SIRT2: variants seen among roughly 807,000 people sequenced by gnomAD.
The protein encoded by SIRT2 is sirtuin 2, also known as NAD-dependent protein deacetylase sirtuin-2.
Under a neutral mutation model 57.4 loss-of-function variants are expected in SIRT2, and 40 were observed. That is an observed-to-expected ratio of 0.70 (90% CI 0.54 to 0.91). The LOEUF is 0.91. Ranked by LOEUF, SIRT2 falls within the 40% of genes least tolerant of loss-of-function variation. SIRT2 has a pLI of 0.00. For missense variants in SIRT2, 439 were observed against 510.4 expected (o/e 0.86, Z 1.35); for synonymous variants, 161 against 195.7 (o/e 0.82, Z 1.48).
chr19:38,886,825 T>C (rs1340329289), intron 8 of SIRT2, among the ~76,000 whole-genome samples: 4 of 152,122 alleles, frequency 2.6e-5, no homozygotes, highest in Admixed American at 2.6e-4. Flanking sequence ...TTTCACCATG[T>C]TGGCCAGGCT....
At position 38,880,610 on chromosome 19, in the gene SIRT2, G is replaced by T. The variant is rs1023857588; in HGVS notation, c.876+75C>A. The T allele has an allele frequency of 2.0e-6, 2 of 1,009,522 alleles. No homozygotes were observed. The highest frequency in any genetic ancestry group is 3.0e-6 in the Non-Finnish European group (2 of 674,414). 62.5% of individuals were successfully genotyped at this position (1,009,522 alleles called of 1,614,324 possible). ...TGCAAAGTGCTGGGGTTCCACAGTG[G>T]GGGTTCCCTCTGAGGAAAAGGGTGA... On this transcript the variant is annotated intron_variant, in intron 13 of 15. Coordinates refer to ENST00000249396, the MANE Select transcript of SIRT2 (RefSeq NM_012237.4). This position sits in a 1 kb window ranked among gnomAD's most constrained non-coding sequence, Gnocchi z 4.1.
intron 13 of SIRT2, chr19:38,879,911 C>T: frequency 5.3e-6 from 3 of 562,124 alleles, no homozygotes; most frequent in East Asian, 2.9e-5. Flanking sequence ...CTGCAACCTC[C>T]ACCTCCTGGG....
rs373609953 is a variant in SIRT2, at chr19:38,890,124, C to A, written c.247G>T (p.Val83Leu). 2 of 1,614,094 alleles carry A rather than the reference C, an allele frequency of 1.2e-6. No homozygotes were observed. Among genetic ancestry groups the A allele is most frequent in the Non-Finnish European group, 1.7e-6 (2 of 1,180,040 alleles). The change falls in exon 5 of 16, where the codon GTG (valine) becomes TTG (leucine). Residue 83 changes from valine (V) to leucine (L), a missense_variant. Transcript: ENST00000249396. ...SERCRRVICL[V>L]GAGISTSAGI... ...TTACATGTGGAGATTCCAGCTCCCA[C>A]CAAACAGATGACTCTGCGACCTGGA...
chr19:38,880,363 C>A lies in SIRT2; in HGVS notation c.876+322G>T. ...GTGAGGCTGCCCAGGAAAAACAGAC[C>A]TGAGAGACCCAGAGCGTGGACCCAA... is the stretch of plus-strand genomic sequence containing the variant. On this transcript the variant is annotated intron_variant, in intron 13 of 15. Coordinates refer to ENST00000249396, the MANE Select transcript of SIRT2 (RefSeq NM_012237.4). The surrounding 1 kb of genome is among the most constrained non-coding windows in gnomAD (Gnocchi z 4.1). The A allele has an allele frequency of 3.2e-6, 1 of 315,604 alleles. No homozygotes were observed. Among genetic ancestry groups the A allele is most frequent in the East Asian group, 5.6e-5 (1 of 17,972 alleles). The allele number at this position is 315,604 out of a possible 1,614,324, so 19.6% of individuals were successfully genotyped here. A position where few individuals can be genotyped will look rare whatever the true frequency, so the allele number is the denominator to read the frequency against.
In SIRT2 at chr19:38,880,442, G is replaced by A. The variant is rs1973111266; in HGVS notation, c.876+243C>T. 1 of 440,942 alleles carries A rather than the reference G, an allele frequency of 2.3e-6. No homozygotes were observed. Among genetic ancestry groups the A allele is most frequent in the Non-Finnish European group, 4.0e-6 (1 of 249,896 alleles). 27.3% of individuals were successfully genotyped at this position (440,942 alleles called of 1,614,324 possible). ...CCCTGCACCCCCTCCCACCTCCTCA[G>A]TCCCTGGAAGCCCGGCCTTCCTATC... On this transcript the variant is annotated intron_variant, in intron 13 of 15. Coordinates refer to ENST00000249396, the MANE Select transcript of SIRT2 (RefSeq NM_012237.4). This position sits in a 1 kb window ranked among gnomAD's most constrained non-coding sequence, Gnocchi z 4.1.
At position 38,879,263 on chromosome 19, in the gene SIRT2, G is replaced by A; in HGVS notation, c.1062C>T (p.Ala354=). ...LVRREHASID[A]QSGAGVPNPS... Reference sequence around the variant, plus strand: ...GGTTGGGGACCCCCGCCCCCGACTGGGCATCTATGCTGGCGTGCTCCCTCC... The same window carrying A: ...GGTTGGGGACCCCCGCCCCCGACTGAGCATCTATGCTGGCGTGCTCCCTCC... The change falls in exon 16 of 16, where the codon GCC becomes GCT. Residue 354 remains alanine (A), a synonymous_variant. Transcript: ENST00000249396. The A allele has an allele frequency of 6.2e-7, 1 of 1,606,162 alleles. No homozygotes were observed. Among genetic ancestry groups the A allele is most frequent in the Non-Finnish European group, 8.5e-7 (1 of 1,177,772 alleles).
intron 3 of SIRT2, 44 bp downstream of exon 3, chr19:38,893,775 G>A (rs200225975): frequency 1.3e-5 from 18 of 1,424,096 alleles, no homozygotes; most frequent in Middle Eastern, 3.5e-4. Context: ...AAATCCCCCC[G>A]CCCCCCAGAA....
In SIRT2 at chr19:38,886,611, G is replaced by A. The variant is rs558313746; in HGVS notation, c.501+2476C>T. On this transcript the variant is annotated intron_variant, in intron 8 of 15. Transcript: ENST00000249396. ...TGGGACTACAGGTGTGCACTACCAT[G>A]CCTGGCTAATTTTTTTTTTTTTTTT... Among the ~76,000 whole-genome samples, 490 of 149,712 alleles carry A rather than the reference G, an allele frequency of 3.3e-3. 7 individuals carry two copies. Among genetic ancestry groups the A allele is most frequent in the African/African-American group, 8.2e-3 (330 of 40,070 alleles).
At chr19:38,886,623 T>G (rs865953677) in intron 8 of SIRT2, among the ~76,000 whole-genome samples, 23,888 of 147,626 alleles carry the variant, frequency 0.16, 2,546 homozygotes, top group African/African-American at 0.32. Flanking sequence ...CTGGCTAATT[T>G]TTTTTTTTTT....
intron 8 of SIRT2, among the ~76,000 whole-genome samples, chr19:38,888,114 G>A (rs930472098): frequency 6.6e-6 from 1 of 152,166 alleles, no homozygotes; most frequent in Admixed American, 6.6e-5. Flanking sequence ...TACTGTTGTA[G>A]TGCATCATGT....
intron 8 of SIRT2, among the ~76,000 whole-genome samples, chr19:38,886,166 G>T (rs1350787299): frequency 6.6e-6 from 1 of 152,172 alleles, no homozygotes; most frequent in East Asian, 1.9e-4. Flanking sequence ...TTCAAGGGCA[G>T]AAAGAATGCT....
chr19:38,886,899 C>T (rs550829731), intron 8 of SIRT2, among the ~76,000 whole-genome samples: 1 of 151,892 alleles, frequency 6.6e-6, no homozygotes, highest in African/African-American at 2.4e-5. Flanking sequence ...CGTGAGCCAC[C>T]GCGCCTGGCC....
At chr19:38,898,448 G>C in intron 1 of SIRT2, 23 bp from the exon 2 acceptor site, 3 of 1,488,866 alleles carry the variant, frequency 2.0e-6, no homozygotes, top group Non-Finnish European at 1.8e-6. Context: ...AGCAGAGGTG[G>C]TTACAGTGGG....
chr19:38,883,920 T>C (rs1213346198), intron 8 of SIRT2, among the ~76,000 whole-genome samples, 164 bp from the exon 9 acceptor site: 1 of 152,132 alleles, frequency 6.6e-6, no homozygotes, highest in Admixed American at 6.6e-5. Context: ...AAGACTCTTC[T>C]GTTCATCCCA....
intron 8 of SIRT2, 73 bp downstream of exon 8, chr19:38,889,014 C>G (rs1182943943): frequency 7.0e-7 from 1 of 1,420,776 alleles, no homozygotes; most frequent in Non-Finnish European, 9.8e-7. Flanking sequence ...GCACGCAGCT[C>G]TGCTCCTCTG....
intron 9 of SIRT2, among the ~76,000 whole-genome samples, chr19:38,882,037 G>C (rs1163813583): frequency 6.6e-6 from 1 of 151,898 alleles, no homozygotes; most frequent in African/African-American, 2.4e-5. Flanking sequence ...CTGTTGCCCA[G>C]GCTGGAGTGT....
intron 2 of SIRT2, 99 bp from the exon 3 acceptor site, chr19:38,893,966 G>A: frequency 1.9e-6 from 3 of 1,582,274 alleles, no homozygotes; most frequent in Non-Finnish European, 2.6e-6. Flanking sequence ...GTGGCAGGAA[G>A]GTGGCCTGAG....
At chr19:38,882,313 CCTTATTT>C (rs1458943851) in intron 9 of SIRT2, among the ~76,000 whole-genome samples, 1 of 151,868 alleles carries the variant, frequency 6.6e-6, no homozygotes, top group African/African-American at 2.4e-5. Flanking sequence ...CTGTGCCTGG[CCTTATTT>C]CTTATTGATT....
At chr19:38,881,756 T>C (rs1159247453) in intron 9 of SIRT2, among the ~76,000 whole-genome samples, 4 of 151,894 alleles carry the variant, frequency 2.6e-5, no homozygotes, top group Admixed American at 2.6e-4. Flanking sequence ...GGCACGATCA[T>C]GGCTTACTGT....
Sources: gnomAD v4.1 joint callset for allele counts (sites outside exome capture counted in the v4.1 genomes callset) on GRCh38, gnomAD v4.1.1 for gene constraint, Gnocchi (gnomAD v3.1) non-coding constraint, MANE v1.5 for transcripts, NCBI Gene and HGNC (gene_info 2026-07-23, HGNC 2026-07-21) for gene names.